Variants in SCIN observed in about 807,000 individuals in gnomAD.
The protein encoded by SCIN is adseverin.
In SCIN, 91 loss-of-function variants were observed where a neutral mutation model predicts 91.8. The ratio of observed to expected loss-of-function variants is 0.99; its 90% CI spans 0.84 to 1.18. The LOEUF is 1.18. Ranked by LOEUF, SCIN falls within the 50% of genes most tolerant of loss-of-function variation. The probability of loss-of-function intolerance (pLI) is 0.00; values close to 1 mark genes in which losing one functional copy is unlikely to be tolerated. For synonymous variants in SCIN, 367 were observed against 312.6 expected (o/e 1.17, Z -1.84); for missense variants, 1,087 against 863.9 (o/e 1.26, Z -3.24).
At chr7:12,639,706 G>T (rs377313798) in intron 10 of SCIN, among the ~76,000 whole-genome samples, 6 of 150,886 alleles carry the variant, frequency 4.0e-5, no homozygotes, top group East Asian at 3.9e-4. Context: ...TTCTTATATT[G>T]AGCATATCTA....
intron 2 of SCIN, among the ~76,000 whole-genome samples, chr7:12,579,096 C>T (rs765099487): frequency 1.3e-5 from 2 of 151,812 alleles, no homozygotes; most frequent in Non-Finnish European, 2.9e-5. Context: ...CTGCCCTGCC[C>T]TGTGAGCATG....
intron 4 of SCIN, among the ~76,000 whole-genome samples, chr7:12,609,452 C>T (rs1350911130): frequency 6.6e-6 from 1 of 151,840 alleles, no homozygotes; most frequent in African/African-American, 2.4e-5. Context: ...TTCACTAGCC[C>T]TAAGGTCCCA....
chr7:12,640,153 A>G (rs1191856228), intron 10 of SCIN, among the ~76,000 whole-genome samples, 194 bp from the exon 11 acceptor site: 2 of 152,210 alleles, frequency 1.3e-5, no homozygotes, highest in Non-Finnish European at 2.9e-5. Context: ...TGCGATAACA[A>G]AAGATTCTCA....
intron 13 of SCIN, among the ~76,000 whole-genome samples, chr7:12,645,756 G>C (rs1219621662): frequency 2.0e-5 from 3 of 152,056 alleles, no homozygotes; most frequent in Non-Finnish European, 2.9e-5. Flanking sequence ...TTGGTTTTCT[G>C]TTCCTTACAC....
intron 9 of SCIN, 83 bp downstream of exon 9, chr7:12,629,305 A>G: frequency 7.9e-7 from 1 of 1,267,302 alleles, no homozygotes; most frequent in Non-Finnish European, 1.1e-6. Flanking sequence ...ATTATGGGGT[A>G]GAATAATCCT....
chr7:12,625,366 T>C (rs1783494225), intron 6 of SCIN, among the ~76,000 whole-genome samples: 1 of 151,876 alleles, frequency 6.6e-6, no homozygotes, highest in African/African-American at 2.4e-5. Context: ...AAAGAATTGT[T>C]TTACAAATAA....
intron 11 of SCIN, among the ~76,000 whole-genome samples, chr7:12,643,386 A>G (rs2691813): frequency 6.6e-6 from 1 of 152,064 alleles, no homozygotes; most frequent in African/African-American, 2.4e-5. Flanking sequence ...CCATAATGAG[A>G]TGTTTGTATT....
chr7:12,575,229 G>C (rs1024430283), intron 1 of SCIN, among the ~76,000 whole-genome samples: 3 of 151,342 alleles, frequency 2.0e-5, no homozygotes, highest in African/African-American at 7.3e-5. Context: ...TTTATTTCTA[G>C]GAGAGTTTTC....
intron 4 of SCIN, among the ~76,000 whole-genome samples, chr7:12,614,339 G>A (rs1436242514): frequency 6.6e-6 from 1 of 152,132 alleles, no homozygotes; most frequent in South Asian, 2.1e-4. Context: ...TTTAATTGCT[G>A]CAAAAGAGCT....
intron 3 of SCIN, chr7:12,595,544 C>T (rs937972378): frequency 6.6e-6 from 1 of 152,152 alleles, no homozygotes; most frequent in Non-Finnish European, 1.5e-5. Context: ...AAGAGGGGCA[C>T]TGTTGTCATC....
At chr7:12,586,172 A>C (rs559572952) in intron 3 of SCIN, among the ~76,000 whole-genome samples, 36 of 152,358 alleles carry the variant, frequency 2.4e-4, no homozygotes, top group African/African-American at 7.7e-4. Context: ...TATCCAGCAT[A>C]AAGTATATGG....
In SCIN at chr7:12,578,089, C is replaced by G; in HGVS notation, c.225C>G (p.Ser75Arg). The part of the protein sequence containing the change: ...WLGKECSQDE[S>R]TAAAIFTVQM... ...GAAAGGAGTGTTCCCAGGATGAAAG[C>G]ACAGCTGCTGCCATCTTCACTGTTC... The change falls in exon 2 of 16, where the codon AGC becomes AGG. Residue 75 changes from serine (S) to arginine (R), a missense_variant. Coordinates refer to ENST00000297029, the MANE Select transcript of SCIN (RefSeq NM_001112706.3). The G allele has an allele frequency of 6.5e-7, 1 of 1,547,070 alleles. No individual in the cohort carries two copies.
rs939478583 is a variant in SCIN at position 12,651,701 on chromosome 7, G to A, written c.1960-140G>A. On this transcript the variant is annotated intron_variant, in intron 14 of 15. Coordinates refer to ENST00000297029, the MANE Select transcript of SCIN (RefSeq NM_001112706.3). This position sits in a 1 kb window ranked among gnomAD's most constrained non-coding sequence, Gnocchi z 5.9. ...TGGGAAAGTGATGGTACCTCTCTGG[G>A]CCACCACCTCCACGTCCCTAACTTC... The A allele has an allele frequency of 3.4e-6, 2 of 585,306 alleles. No individual in the cohort carries two copies. Among genetic ancestry groups the A allele is most frequent in the East Asian group, 5.9e-5 (2 of 33,798 alleles). The allele number at this position is 585,306 out of a possible 1,614,324, so 36.3% of individuals were successfully genotyped here. A position where few individuals can be genotyped will look rare whatever the true frequency, so the allele number is the denominator to read the frequency against.
chr7:12,619,144 C>G (rs751633276), intron 4 of SCIN, among the ~76,000 whole-genome samples: 21 of 152,056 alleles, frequency 1.4e-4, no homozygotes, highest in Non-Finnish European at 2.6e-4. Context: ...GGACTTGGCA[C>G]CAGCTTGGCA....
At chr7:12,635,190 T>A (rs931647813) in intron 9 of SCIN, among the ~76,000 whole-genome samples, 10 of 151,536 alleles carry the variant, frequency 6.6e-5, no homozygotes, top group Non-Finnish European at 1.2e-4. Context: ...ATAATAATAA[T>A]AAATAATTCC....
intron 1 of SCIN, chr7:12,577,572 C>T (rs73291387): frequency 2.6e-5 from 12 of 456,128 alleles, no homozygotes; most frequent in African/African-American, 8.0e-5. Context: ...AAAAACAGGC[C>T]GGGCATGGTG....
chr7:12,626,583 G>A lies in SCIN; in HGVS notation c.982-1G>A. The A allele has an allele frequency of 6.5e-7, 1 of 1,532,866 alleles. No individual in the cohort carries two copies. The highest frequency in any genetic ancestry group is 1.2e-5 in the South Asian group (1 of 82,200). The allele number at this position is 1,532,866 out of a possible 1,614,324, so 95.0% of individuals were successfully genotyped here. On this transcript the variant is annotated splice_acceptor_variant, in intron 7 of 15. Coordinates refer to ENST00000297029, the MANE Select transcript of SCIN (RefSeq NM_001112706.3). LOFTEE classifies it high-confidence loss of function. ...ACTATTATTATTATTTTAAATTTCA[G>A]ATTCAAGTTCTTCCAGAAGGAGGTG...
intron 1 of SCIN, among the ~76,000 whole-genome samples, chr7:12,573,472 T>C (rs904697630): frequency 9.9e-5 from 15 of 152,192 alleles, no homozygotes; most frequent in African/African-American, 3.1e-4. Context: ...TCCATAACAC[T>C]TGGCATATCT....
rs1783533555 is a variant in SCIN at position 12,626,757 on chromosome 7, A to G, written c.1155A>G (p.Ala385=). 6.2e-7 allele frequency: 1 copy of G among 1,610,860 alleles called. No individual in the cohort carries two copies. The highest frequency in any genetic ancestry group is 1.3e-5 in the African/African-American group (1 of 74,862). The change falls in exon 8 of 16, where the codon GCA becomes GCG. Residue 385 remains alanine (A), a synonymous_variant. Transcript: ENST00000297029. ...AATTACACAGTTCTCCGCAGATGGC[A>G]GCCCAGCACAATATGGTGGATGATG... ...ASKLHSSPQM[A]AQHNMVDDGS...
Sources: gnomAD v4.1 joint callset for allele counts (sites outside exome capture counted in the v4.1 genomes callset) on GRCh38, gnomAD v4.1.1 for gene constraint, Gnocchi (gnomAD v3.1) non-coding constraint, MANE v1.5 for transcripts, NCBI Gene and HGNC (gene_info 2026-07-23, HGNC 2026-07-21) for gene names.